The following STAG1 variants were observed in gnomAD, a reference collection of about 807,000 sequenced individuals.
The protein encoded by STAG1 is STAG1 cohesin complex component.
STAG1 carries 26 observed loss-of-function variants against 170.9 expected under a neutral mutation model. The ratio of observed to expected loss-of-function variants is 0.15; its 90% CI spans 0.11 to 0.21. The LOEUF (loss-of-function observed/expected upper bound fraction) is 0.21. STAG1 is among the 10% of genes least tolerant of loss of function. STAG1 has a pLI of 1.00. For synonymous variants in STAG1, 514 were observed against 497.7 expected (o/e 1.03, Z -0.44); for missense variants, 964 against 1,509.5 (o/e 0.64, Z 5.99).
intron 1 of STAG1, among the ~76,000 whole-genome samples, chr3:136,705,424 C>T (rs113159887): frequency 2.7e-4 from 36 of 131,140 alleles, no homozygotes; most frequent in African/African-American, 1.1e-3. Flanking sequence ...CACACACACA[C>T]AACGAAGTTC....
intron 12 of STAG1, 54 bp from the exon 13 acceptor site, chr3:136,465,042 C>G (rs1445795551): frequency 7.4e-7 from 1 of 1,357,874 alleles, no homozygotes; most frequent in African/African-American, 1.5e-5. Context: ...ATTTTCCTTT[C>G]TACTTTTATT....
chr3:136,539,611 G>C (rs1935796405), intron 6 of STAG1, among the ~76,000 whole-genome samples: 1 of 152,132 alleles, frequency 6.6e-6, no homozygotes, highest in African/African-American at 2.4e-5. Flanking sequence ...AAAAATGTGG[G>C]GAAGAAATAT....
At position 136,399,748 on chromosome 3, in the gene STAG1, G is replaced by A. The variant is rs1174424024; in HGVS notation, c.2197-919C>T. Among the ~76,000 whole-genome samples the A allele has an allele frequency of 6.6e-5, 10 of 151,838 alleles. No homozygotes were observed. The East Asian group carries it at 1.9e-3, about 29-fold the overall frequency. On this transcript the variant is annotated intron_variant, in intron 21 of 33. Coordinates refer to ENST00000383202, the MANE Select transcript of STAG1 (RefSeq NM_005862.3). Reference sequence around the variant, plus strand: ...GGTTTTCAGAGTTTTTAGTTCTCAGGATCTCTTTATACTCTTAAAAGTTAC... The same window carrying A: ...GGTTTTCAGAGTTTTTAGTTCTCAGAATCTCTTTATACTCTTAAAAGTTAC...
chr3:136,536,216 A>C (rs1197616301), intron 6 of STAG1, among the ~76,000 whole-genome samples: 1 of 152,182 alleles, frequency 6.6e-6, no homozygotes, highest in African/African-American at 2.4e-5. Flanking sequence ...TCAATCTAAA[A>C]AGATTATCCC....
intron 1 of STAG1, among the ~76,000 whole-genome samples, chr3:136,696,844 A>C (rs1190598663): frequency 6.6e-6 from 1 of 152,186 alleles, no homozygotes; most frequent in Non-Finnish European, 1.5e-5. Context: ...ATAAGAAAAC[A>C]GGTCACTGTT....
intron 3 of STAG1, among the ~76,000 whole-genome samples, chr3:136,617,645 T>C (rs1369585003): frequency 1.3e-5 from 2 of 152,102 alleles, no homozygotes; most frequent in Admixed American, 1.3e-4. Context: ...TATAACAGAT[T>C]GTTAAAGGAC....
chr3:136,492,816 T>G (rs1475878812), intron 9 of STAG1, among the ~76,000 whole-genome samples: 2 of 152,218 alleles, frequency 1.3e-5, no homozygotes, highest in African/African-American at 4.8e-5. Flanking sequence ...ACAGTAAGTG[T>G]ATTTGTATTT....
chr3:136,576,108 T>C (rs919877632), intron 4 of STAG1, among the ~76,000 whole-genome samples: 2 of 152,140 alleles, frequency 1.3e-5, no homozygotes, highest in African/African-American at 2.4e-5. Context: ...TTAATGTCTA[T>C]AAAGGAACGT....
intron 23 of STAG1, among the ~76,000 whole-genome samples, chr3:136,376,012 T>A (rs765882154): frequency 0.019 from 268 of 14,144 alleles, no homozygotes; most frequent in African/African-American, 0.044. Flanking sequence ...AAATAAATAA[T>A]TAACAAAATA....
intron 30 of STAG1, among the ~76,000 whole-genome samples, chr3:136,342,316 G>A (rs1219445934): frequency 6.6e-6 from 1 of 151,414 alleles, no homozygotes; most frequent in Admixed American, 6.6e-5. Context: ...ACCGCGCCCA[G>A]CCAGGAATTT....
At chr3:136,342,443 C>A (rs765935852) in intron 30 of STAG1, among the ~76,000 whole-genome samples, 6 of 151,810 alleles carry the variant, frequency 4.0e-5, no homozygotes, top group African/African-American at 1.5e-4. Flanking sequence ...CTCAGCCTTC[C>A]GAGTAGCTGG....
chr3:136,525,750 T>TCTACA (rs1381431122), intron 6 of STAG1, among the ~76,000 whole-genome samples: 4 of 152,250 alleles, frequency 2.6e-5, no homozygotes, highest in African/African-American at 9.6e-5. Context: ...TAAATTTCCC[T>TCTACA]CTACACACTG....
intron 28 of STAG1, among the ~76,000 whole-genome samples, chr3:136,354,562 A>T (rs967946294): frequency 6.6e-6 from 1 of 151,898 alleles, no homozygotes; most frequent in Non-Finnish European, 1.5e-5. Context: ...TCAGCCTCCC[A>T]AAGTGCTGGG....
chr3:136,705,389 AC>A, intron 1 of STAG1, among the ~76,000 whole-genome samples: 2 of 77,852 alleles, frequency 2.6e-5, no homozygotes, highest in East Asian at 2.0e-4. Context: ...ACACACACAC[AC>A]ACACACACAC....
chr3:136,590,460 T>A (rs2107791594), intron 4 of STAG1, among the ~76,000 whole-genome samples: 1 of 149,348 alleles, frequency 6.7e-6, no homozygotes, highest in East Asian at 2.0e-4. Context: ...GCCACTGCAC[T>A]CCAGCCTGGG....
chr3:136,699,230 A>T (rs567368285), intron 1 of STAG1, among the ~76,000 whole-genome samples: 2 of 152,348 alleles, frequency 1.3e-5, no homozygotes, highest in East Asian at 3.9e-4. Context: ...TAAAAAAGAA[A>T]GAATGACTTC....
chr3:136,554,115 G>GA (rs779346316), intron 5 of STAG1, among the ~76,000 whole-genome samples: 1 of 151,580 alleles, frequency 6.6e-6, no homozygotes. Flanking sequence ...GACTTTTAGA[G>GA]AAAAAAAAGT....
At chr3:136,625,381 C>T (rs961436675) in intron 2 of STAG1, among the ~76,000 whole-genome samples, 1 of 152,202 alleles carries the variant, frequency 6.6e-6, no homozygotes, top group Non-Finnish European at 1.5e-5. Flanking sequence ...GTACACCTGA[C>T]CGCATTCCAG....
intron 1 of STAG1, among the ~76,000 whole-genome samples, chr3:136,649,463 A>G (rs1184683239): frequency 6.8e-6 from 1 of 146,772 alleles, no homozygotes; most frequent in Non-Finnish European, 1.5e-5. Context: ...TGGGTGAAAG[A>G]GTGAGACTCC....
Sources: gnomAD v4.1 joint callset for allele counts (sites outside exome capture counted in the v4.1 genomes callset) on GRCh38, gnomAD v4.1.1 for gene constraint, MANE v1.5 for transcripts, NCBI Gene and HGNC (gene_info 2026-07-23, HGNC 2026-07-21) for gene names.